The following FOXP1 variants were observed in gnomAD, a reference collection of about 807,000 sequenced individuals.
FOXP1 encodes the protein forkhead box P1.
In FOXP1, 15 loss-of-function variants were observed where a neutral mutation model predicts 98.2. That is an observed-to-expected ratio of 0.15 (90% CI 0.10 to 0.24). FOXP1 has a LOEUF of 0.24. FOXP1 is among the 10% of genes least tolerant of loss of function. FOXP1 has a pLI of 1.00. For synonymous variants in FOXP1, 371 were observed against 314.5 expected (o/e 1.18, Z -1.90); for missense variants, 633 against 848.5 (o/e 0.75, Z 3.15).
chr3:71,459,782 ATAAT>A (rs1289853607), intron 3 of FOXP1, among the ~76,000 whole-genome samples: 11 of 152,370 alleles, frequency 7.2e-5, no homozygotes, highest in South Asian at 2.1e-4. Context: ...GAAGAATGAG[ATAAT>A]TAATCAGTGT....
At chr3:70,990,030 C>T (rs1033243661) in intron 13 of FOXP1, among the ~76,000 whole-genome samples, 5 of 152,182 alleles carry the variant, frequency 3.3e-5, no homozygotes, top group African/African-American at 1.2e-4. Flanking sequence ...AAGTAACTGC[C>T]ATCGGAAACA....
At chr3:71,240,538 T>C (rs1166645465) in intron 5 of FOXP1, among the ~76,000 whole-genome samples, 1 of 101,286 alleles carries the variant, frequency 9.9e-6, no homozygotes, top group Non-Finnish European at 2.0e-5. Context: ...TATCTCAGAA[T>C]TGTGTTTTTT....
At position 71,019,437 on chromosome 3, in the gene FOXP1, T is replaced by C. The variant is rs538271245; in HGVS notation, c.870-3784A>G. The stretch of plus-strand genomic sequence containing the variant: ...TAGACTTCTAAAACTTTAGGGTCAA[T>C]TGTTTAATAAGGTGTATTTTACCAC... On this transcript the variant is annotated intron_variant, in intron 11 of 20. Transcript: ENST00000649528. 2.0e-4 allele frequency among the ~76,000 whole-genome samples: 30 copies of C among 152,334 alleles called. No homozygotes were observed. The South Asian group carries it at 6.2e-3, about 32-fold the overall frequency.
intron 6 of FOXP1, among the ~76,000 whole-genome samples, chr3:71,147,611 T>A (rs1329611148): frequency 6.6e-6 from 1 of 152,204 alleles, no homozygotes; most frequent in Non-Finnish European, 1.5e-5. Context: ...GATTTACAAA[T>A]AAGTGTGAAA....
chr3:71,168,198 T>C (rs1016807433), intron 6 of FOXP1, among the ~76,000 whole-genome samples: 1 of 152,144 alleles, frequency 6.6e-6, no homozygotes, highest in African/African-American at 2.4e-5. Context: ...CTATGCAAAA[T>C]GTGAAACACT....
chr3:71,035,483 C>T (rs569412934), intron 11 of FOXP1, among the ~76,000 whole-genome samples: 13 of 152,242 alleles, frequency 8.5e-5, no homozygotes, highest in African/African-American at 2.6e-4. Context: ...GTAGACAATA[C>T]GTAAATGAAT....
intron 5 of FOXP1, among the ~76,000 whole-genome samples, chr3:71,274,466 C>T (rs1215218651): frequency 6.6e-6 from 1 of 152,038 alleles, no homozygotes; most frequent in Admixed American, 6.5e-5. Context: ...GAAAGGGGTC[C>T]TATTAGAAAT....
At chr3:71,530,068 C>T (rs576684318) in intron 2 of FOXP1, among the ~76,000 whole-genome samples, 1 of 152,196 alleles carries the variant, frequency 6.6e-6, no homozygotes, top group African/African-American at 2.4e-5. Flanking sequence ...TAGATGGTGT[C>T]AGAACTGAAT....
chr3:71,524,905 G>A (rs188603639), intron 2 of FOXP1, among the ~76,000 whole-genome samples: 29 of 152,226 alleles, frequency 1.9e-4, no homozygotes, highest in Non-Finnish European at 3.7e-4. Flanking sequence ...GTCACCGTGC[G>A]GCCCACTTGG....
intron 7 of FOXP1, among the ~76,000 whole-genome samples, chr3:71,074,646 AC>A (rs751951362): frequency 3.9e-5 from 6 of 152,226 alleles, no homozygotes; most frequent in Non-Finnish European, 7.3e-5. Context: ...TGGGGGTAAA[AC>A]TAAGCCTGGA....
At chr3:71,429,291 G>C (rs530314013) in intron 3 of FOXP1, among the ~76,000 whole-genome samples, 4 of 152,314 alleles carry the variant, frequency 2.6e-5, no homozygotes, top group African/African-American at 9.6e-5. Flanking sequence ...TTTTGGTGAA[G>C]TGTGGGGAGG....
At chr3:71,302,518 A>G (rs2073933921) in intron 4 of FOXP1, among the ~76,000 whole-genome samples, 2 of 151,002 alleles carry the variant, frequency 1.3e-5, no homozygotes, top group Admixed American at 1.3e-4. Context: ...TTATGTAAAA[A>G]AAAAAAAAAA....
intron 5 of FOXP1, among the ~76,000 whole-genome samples, chr3:71,223,610 GC>G (rs2065581094): frequency 6.6e-6 from 1 of 150,694 alleles, no homozygotes; most frequent in African/African-American, 2.5e-5. Context: ...CAGGAGAATG[GC>G]CTGAACCCAG....
chr3:71,189,430 A>G (rs2062837005), intron 6 of FOXP1, among the ~76,000 whole-genome samples: 1 of 152,252 alleles, frequency 6.6e-6, no homozygotes, highest in East Asian at 1.9e-4. Flanking sequence ...ACACAAATAA[A>G]CATATGCAAT....
intron 5 of FOXP1, among the ~76,000 whole-genome samples, chr3:71,214,882 G>A (rs17654359): frequency 0.43 from 65,038 of 152,036 alleles, 14,772 homozygotes; most frequent in Non-Finnish European, 0.5. Context: ...CATGACAAGG[G>A]TTTCCAATAG....
chr3:71,455,681 A>G (rs1171162686), intron 3 of FOXP1, among the ~76,000 whole-genome samples: 1 of 152,116 alleles, frequency 6.6e-6, no homozygotes, highest in African/African-American at 2.4e-5. Flanking sequence ...AATTTGGGAG[A>G]AGAAGCCCAA....
At chr3:70,967,156 G>C (rs2034976069) in intron 19 of FOXP1, among the ~76,000 whole-genome samples, 1 of 152,170 alleles carries the variant, frequency 6.6e-6, no homozygotes, top group Admixed American at 6.5e-5. Flanking sequence ...AAGATGATCT[G>C]GCATAGTGAC....
intron 4 of FOXP1, among the ~76,000 whole-genome samples, chr3:71,300,957 T>C (rs960964582): frequency 2.6e-5 from 4 of 152,176 alleles, no homozygotes; most frequent in East Asian, 1.9e-4. Flanking sequence ...GGGCTAAAAA[T>C]TTGAAAGTGG....
At chr3:71,193,819 C>T (rs945662335) in intron 6 of FOXP1, among the ~76,000 whole-genome samples, 13 of 152,254 alleles carry the variant, frequency 8.5e-5, no homozygotes, top group Admixed American at 3.3e-4. Context: ...GAGCTTCTTG[C>T]GTTCTGGGAA....
Sources: allele counts gnomAD v4.1 joint callset (sites outside exome capture counted in the v4.1 genomes callset), GRCh38; gene constraint gnomAD v4.1.1; transcripts MANE v1.5; gene names NCBI Gene and HGNC (gene_info 2026-07-23, HGNC 2026-07-21).